Variants in CPEB3 observed in about 807,000 individuals in gnomAD.
CPEB3 encodes the protein cytoplasmic polyadenylation element binding protein 3, also known as cytoplasmic polyadenylation element-binding protein 3.
Under a neutral mutation model 67.2 loss-of-function variants are expected in CPEB3, and 20 were observed. The observed-to-expected ratio is 0.30, with a 90% CI of 0.21 to 0.43. The LOEUF (loss-of-function observed/expected upper bound fraction) is 0.43. Ranked by LOEUF, CPEB3 falls within the 20% of genes least tolerant of loss-of-function variation. CPEB3 has a pLI of 1.00. For synonymous variants in CPEB3, 376 were observed against 393.1 expected, an observed-to-expected ratio of 0.96 and a Z score of 0.51; for missense variants, 746 against 968.6, an observed-to-expected ratio of 0.77 and a Z score of 3.05.
intron 9 of CPEB3, among the ~76,000 whole-genome samples, chr10:92,061,419 C>CAAAAAAAAAAAAAAAA (rs148327302): frequency 1.1e-5 from 1 of 93,344 alleles, no homozygotes; most frequent in Non-Finnish European, 2.2e-5. Flanking sequence ...AATTCTGTCT[C>CAAAAAAAAAAAAAAAA]AAAAAAAAAA....
At chr10:92,056,120 T>C (rs1842101682) in intron 9 of CPEB3, among the ~76,000 whole-genome samples, 1 of 152,206 alleles carries the variant, frequency 6.6e-6, no homozygotes, top group African/African-American at 2.4e-5. Flanking sequence ...GAGGGCAGTC[T>C]TCCAGATGAG....
Position 92,062,115 on chromosome 10 carries a change from C to T in CPEB3, c.1870-9676G>A, listed in dbSNP as rs572241485. On this transcript the variant is annotated intron_variant, in intron 9 of 9. Transcript: ENST00000265997. ...AAATTAGCCAGGTGTGGTGGTGGCG[C>T]CTGTAATTCCAGCTACTCCAGAGGC... is the stretch of plus-strand genomic sequence containing the variant. Among the ~76,000 whole-genome samples the T allele has an allele frequency of 8.6e-5, 13 of 151,682 alleles. No homozygotes were observed. In the South Asian group the frequency reaches 2.5e-3, roughly 29 times the overall value.
chr10:92,257,833 G>A (rs771919212), intron 1 of CPEB3, among the ~76,000 whole-genome samples: 19 of 149,426 alleles, frequency 1.3e-4, no homozygotes, highest in Non-Finnish European at 2.8e-4. Context: ...AGGTTCAAGC[G>A]ATTCTCCTGC....
chr10:92,054,719 G>A (rs896560914), intron 9 of CPEB3, among the ~76,000 whole-genome samples: 2 of 152,180 alleles, frequency 1.3e-5, no homozygotes, highest in African/African-American at 4.8e-5. Context: ...TGGGATTACA[G>A]GAGTGAGCCA....
chr10:92,119,182 C>A (rs757743666), intron 6 of CPEB3: 372 of 1,582,142 alleles, frequency 2.4e-4, no homozygotes, highest in Non-Finnish European at 3.0e-4. Flanking sequence ...AGGTTCCCAG[C>A]ATCATATTCC....
intron 2 of CPEB3, among the ~76,000 whole-genome samples, chr10:92,230,210 T>C (rs1470788349): frequency 2.0e-5 from 3 of 152,228 alleles, no homozygotes; most frequent in Non-Finnish European, 4.4e-5. Context: ...ATTTATTTCA[T>C]GGCATTGACC....
At chr10:92,141,418 G>A (rs1465946321) in intron 6 of CPEB3, among the ~76,000 whole-genome samples, 1 of 151,188 alleles carries the variant, frequency 6.6e-6, no homozygotes, top group East Asian at 2.0e-4. Flanking sequence ...ACTCATAGGT[G>A]GGAATTGAAC....
At chr10:92,278,601 C>CTTT (rs1294501874) in intron 1 of CPEB3, among the ~76,000 whole-genome samples, 45 of 129,190 alleles carry the variant, frequency 3.5e-4, no homozygotes, top group African/African-American at 1.0e-3. Context: ...TTGACTGGTT[C>CTTT]TTTTTTTTTT....
intron 1 of CPEB3, among the ~76,000 whole-genome samples, chr10:92,269,950 T>C (rs1853231456): frequency 6.6e-6 from 1 of 151,678 alleles, no homozygotes; most frequent in South Asian, 2.1e-4. Flanking sequence ...TATCCTTTTC[T>C]GTCACTGTCA....
chr10:92,111,794 T>C (rs537931406), intron 6 of CPEB3, among the ~76,000 whole-genome samples: 21 of 152,304 alleles, frequency 1.4e-4, no homozygotes, highest in African/African-American at 3.4e-4. Context: ...ACATGTCACA[T>C]TGGTGAGTTG....
intron 1 of CPEB3, among the ~76,000 whole-genome samples, chr10:92,242,043 T>C (rs1404026061): frequency 6.6e-6 from 1 of 152,114 alleles, no homozygotes; most frequent in Non-Finnish European, 1.5e-5. Flanking sequence ...TATCAGAAAA[T>C]GAAAATATTA....
intron 6 of CPEB3, among the ~76,000 whole-genome samples, chr10:92,131,111 T>C (rs896417303): frequency 1.3e-5 from 2 of 152,190 alleles, no homozygotes; most frequent in African/African-American, 4.8e-5. Context: ...AATAGTCTAA[T>C]AATTATTTCT....
At chr10:92,193,815 A>G (rs7073372) in intron 2 of CPEB3, among the ~76,000 whole-genome samples, 28,084 of 148,018 alleles carry the variant, frequency 0.19, 3,276 homozygotes, top group East Asian at 0.4. Flanking sequence ...TCTTTTTTTT[A>G]AGACAGAGTC....
chr10:92,274,569 G>A (rs1841889646), intron 1 of CPEB3, among the ~76,000 whole-genome samples: 7 of 152,166 alleles, frequency 4.6e-5, no homozygotes, highest in Admixed American at 2.6e-4. Context: ...GGCCAGGCAT[G>A]GTGGCTCATG....
At chr10:92,228,715 T>C (rs982920728) in intron 2 of CPEB3, among the ~76,000 whole-genome samples, 10 of 149,142 alleles carry the variant, frequency 6.7e-5, no homozygotes, top group Non-Finnish European at 1.3e-4. Flanking sequence ...TATATATATA[T>C]ACATTTTTTT....
At chr10:92,209,941 CAAAAAAAAAA>C (rs768962869) in intron 2 of CPEB3, among the ~76,000 whole-genome samples, 1 of 59,040 alleles carries the variant, frequency 1.7e-5, no homozygotes, top group Non-Finnish European at 3.1e-5. Context: ...GGCTCTGTCT[CAAAAAAAAAA>C]AAAAAAAAAA....
intron 9 of CPEB3, among the ~76,000 whole-genome samples, chr10:92,071,657 C>T (rs1842758255): frequency 6.6e-6 from 1 of 151,894 alleles, no homozygotes; most frequent in South Asian, 2.1e-4. Context: ...ATCGCTTGAA[C>T]CCAGGCAGCA....
chr10:92,263,123 T>C (rs1010277964), intron 1 of CPEB3, among the ~76,000 whole-genome samples: 9 of 152,176 alleles, frequency 5.9e-5, no homozygotes, highest in Non-Finnish European at 1.2e-4. Context: ...CAGCCCAGGC[T>C]AGAATGCAAT....
chr10:92,142,344 C>A (rs1438654738), intron 6 of CPEB3, among the ~76,000 whole-genome samples: 3 of 152,194 alleles, frequency 2.0e-5, no homozygotes, highest in Admixed American at 2.0e-4. Context: ...GTAACACAAA[C>A]AAAACCTTTA....
Sources: allele counts gnomAD v4.1 joint callset (sites outside exome capture counted in the v4.1 genomes callset), GRCh38; gene constraint gnomAD v4.1.1; transcripts MANE v1.5; gene names NCBI Gene and HGNC (gene_info 2026-07-23, HGNC 2026-07-21).